Variants in GARIN5A observed in about 807,000 individuals in gnomAD.
GARIN5A encodes the protein golgi associated RAB2 interactor 5A.
the GARIN5A span, chr19:50,476,408 A>T: frequency 3.7e-5 from 58 of 1,548,050 alleles, no homozygotes; most frequent in Non-Finnish European, 5.0e-5. Context: ...GTCAGGCCCC[A>T]GGTGCGGACG....
the GARIN5A span, among the ~76,000 whole-genome samples, chr19:50,471,912 GTATA>G: frequency 6.7e-6 from 1 of 150,100 alleles, no homozygotes; most frequent in African/African-American, 2.5e-5. Context: ...ATGTATGTGT[GTATA>G]TGTGTATATA....
chr19:50,467,959 T>C, the GARIN5A span: 130 of 761,332 alleles, frequency 1.7e-4, no homozygotes, highest in Middle Eastern at 2.2e-3. Context: ...CATTGCCTCT[T>C]GAACTTGAGT....
At chr19:50,476,159 G>C in the GARIN5A span, 5 of 1,613,624 alleles carry the variant, frequency 3.1e-6, no homozygotes, top group Non-Finnish European at 4.2e-6. Context: ...CACCTCGCCA[G>C]CTCCACCCAG....
the GARIN5A span, among the ~76,000 whole-genome samples, chr19:50,471,997 CGTGT>C: frequency 1.4e-4 from 19 of 137,264 alleles, no homozygotes; most frequent in African/African-American, 5.1e-4. Context: ...TGTATATATA[CGTGT>C]ATGTATATAT....
At chr19:50,471,144 T>G in the GARIN5A span, among the ~76,000 whole-genome samples, 1 of 152,032 alleles carries the variant, frequency 6.6e-6, no homozygotes, top group Non-Finnish European at 1.5e-5. Context: ...TTTGTATTTT[T>G]AGTAGAGATG....
chr19:50,472,530 T>C, the GARIN5A span, among the ~76,000 whole-genome samples: 11 of 152,190 alleles, frequency 7.2e-5, no homozygotes, highest in South Asian at 2.1e-4. Flanking sequence ...AGCACCATCA[T>C]TGGTGTTCTT....
chr19:50,472,862 A>G, the GARIN5A span, among the ~76,000 whole-genome samples: 1 of 152,020 alleles, frequency 6.6e-6, no homozygotes. Context: ...ACAGAGTGAG[A>G]CCCTGTCTCA....
chr19:50,468,043 C>T, the GARIN5A span, among the ~76,000 whole-genome samples: 1 of 152,176 alleles, frequency 6.6e-6, no homozygotes, highest in African/African-American at 2.4e-5. Flanking sequence ...ACTCCAGACT[C>T]GAATATACAA....
chr19:50,474,235 A>G, the GARIN5A span, among the ~76,000 whole-genome samples: 1 of 149,816 alleles, frequency 6.7e-6, no homozygotes, highest in African/African-American at 2.5e-5. Context: ...GTTGGAGTGC[A>G]GTGGGATGAT....
the GARIN5A span, among the ~76,000 whole-genome samples, chr19:50,468,098 C>T: frequency 9.2e-5 from 14 of 152,298 alleles, no homozygotes; most frequent in East Asian, 5.8e-4. Context: ...TGGTGGCTCA[C>T]GCCTGTGATC....
At chr19:50,467,785 C>T in the GARIN5A span, 1 of 1,612,860 alleles carries the variant, frequency 6.2e-7, no homozygotes, top group Non-Finnish European at 8.5e-7. Flanking sequence ...CTGACACCGG[C>T]TTTTGTCGTG....
At chr19:50,472,191 T>TATGTATACGTGTGTATATGTATGTATAC in the GARIN5A span, among the ~76,000 whole-genome samples, 657 of 145,840 alleles carry the variant, frequency 4.5e-3, 16 homozygotes, top group African/African-American at 0.017. Context: ...TGTATACATG[T>TATGTATACGTGTGTATATGTATGTATAC]ATGTGTGCAT....
At chr19:50,471,835 T>C in the GARIN5A span, among the ~76,000 whole-genome samples, 2 of 143,844 alleles carry the variant, frequency 1.4e-5, no homozygotes, top group East Asian at 4.0e-4. Context: ...TACGCATACA[T>C]ATCTGTGTGC....
chr19:50,470,900 C>T, the GARIN5A span, among the ~76,000 whole-genome samples: 3,446 of 151,808 alleles, frequency 0.023, 105 homozygotes, highest in East Asian at 0.12. Context: ...GTGATCCACC[C>T]GCCTCGGCCT....
chr19:50,467,273 A>C, the GARIN5A span, among the ~76,000 whole-genome samples: 1 of 151,986 alleles, frequency 6.6e-6, no homozygotes, highest in Non-Finnish European at 1.5e-5. Flanking sequence ...TGTGTTCCCA[A>C]GTAGGATACG....
chr19:50,471,654 ATG>A, the GARIN5A span, among the ~76,000 whole-genome samples: 2 of 123,872 alleles, frequency 1.6e-5, no homozygotes, highest in African/African-American at 6.3e-5. Context: ...ATACGCATAC[ATG>A]CACGTGTGTG....
At chr19:50,472,113 T>C in the GARIN5A span, among the ~76,000 whole-genome samples, 3 of 151,470 alleles carry the variant, frequency 2.0e-5, no homozygotes, top group Non-Finnish European at 4.4e-5. Context: ...TATACGTGTG[T>C]ATATGTATAT....
the GARIN5A span, chr19:50,467,708 C>G: frequency 6.3e-7 from 1 of 1,597,838 alleles, no homozygotes; most frequent in Non-Finnish European, 8.5e-7. Context: ...AACTCTCGGT[C>G]TCGGGTCTTG....
At chr19:50,475,930 G>A in the GARIN5A span, 4 of 1,613,404 alleles carry the variant, frequency 2.5e-6, no homozygotes, top group East Asian at 6.7e-5. Flanking sequence ...GCCCGTGGGA[G>A]AGGCTGCAAC....
Sources: allele counts gnomAD v4.1 joint callset (sites outside exome capture counted in the v4.1 genomes callset), GRCh38; gene constraint gnomAD v4.1.1; transcripts MANE v1.5; gene names NCBI Gene and HGNC (gene_info 2026-07-23, HGNC 2026-07-21).